The following SPIDR variants were observed in gnomAD, a reference collection of about 807,000 sequenced individuals.
The protein encoded by SPIDR is scaffold protein involved in DNA repair.
A neutral mutation model predicts 104.6 loss-of-function variants in SPIDR; 93 were observed. The ratio of observed to expected loss-of-function variants is 0.89; its 90% CI spans 0.75 to 1.06. The LOEUF (loss-of-function observed/expected upper bound fraction) is 1.06, where lower values mean the gene tolerates loss of function less well. Among genes scored for constraint, SPIDR ranks in the 50% least tolerant of loss-of-function variants. The probability of loss-of-function intolerance (pLI) is 0.00; values close to 1 mark genes in which losing one functional copy is unlikely to be tolerated. For missense variants in SPIDR, 1,154 were observed against 1,111.2 expected (o/e 1.04, Z -0.55); for synonymous variants, 431 against 416.9 (o/e 1.03, Z -0.41).
intron 5 of SPIDR, chr8:47,294,262 C>A: frequency 2.3e-6 from 1 of 435,762 alleles, no homozygotes; most frequent in Non-Finnish European, 3.9e-6. Context: ...ACCCTCACTG[C>A]ACACCGAATG....
intron 8 of SPIDR, among the ~76,000 whole-genome samples, chr8:47,542,808 C>A (rs556067254): frequency 1.3e-5 from 2 of 152,248 alleles, no homozygotes; most frequent in African/African-American, 4.8e-5. Context: ...CCAAAGGATC[C>A]TTCCTGCCAC....
At chr8:47,541,447 G>A (rs1451918010) in intron 8 of SPIDR, among the ~76,000 whole-genome samples, 2 of 152,156 alleles carry the variant, frequency 1.3e-5, no homozygotes, top group African/African-American at 2.4e-5. Context: ...GTGAATAGAA[G>A]AACTTTTAAA....
chr8:47,287,441 T>C (rs2039056969), intron 3 of SPIDR, among the ~76,000 whole-genome samples: 1 of 152,106 alleles, frequency 6.6e-6, no homozygotes, highest in African/African-American at 2.4e-5. Flanking sequence ...GGATTTTTTT[T>C]CCCCACCCTA....
chr8:47,516,746 A>G (rs2083229358), intron 8 of SPIDR, among the ~76,000 whole-genome samples: 1 of 152,176 alleles, frequency 6.6e-6, no homozygotes, highest in African/African-American at 2.4e-5. Flanking sequence ...GAACATAAGT[A>G]TACAAGTATC....
At position 47,396,368 on chromosome 8, in the gene SPIDR, T is replaced by C. The variant is rs782040070; in HGVS notation, c.526-8T>C. 35 of 1,582,058 alleles carry C rather than the reference T, an allele frequency of 2.2e-5. No homozygotes were observed. In the African/African-American group the frequency reaches 4.3e-4, roughly 20 times the overall value. On this transcript the variant is annotated splice_polypyrimidine_tract_variant and splice_region_variant and intron_variant, in intron 5 of 19. Coordinates refer to ENST00000297423, the MANE Select transcript of SPIDR (RefSeq NM_001080394.4). ...TAAAAATATGCCTTTCTTTTAATTT[T>C]TTTTCAGCCAAGTTCTATAGAAATT...
intron 10 of SPIDR, among the ~76,000 whole-genome samples, chr8:47,661,326 C>A (rs1015181262): frequency 6.6e-6 from 1 of 152,214 alleles, no homozygotes; most frequent in Non-Finnish European, 1.5e-5. Flanking sequence ...CATCCCCTCA[C>A]ACCAGGTATA....
chr8:47,518,170 C>T (rs1214046160), intron 8 of SPIDR, among the ~76,000 whole-genome samples: 1 of 152,200 alleles, frequency 6.6e-6, no homozygotes, highest in Non-Finnish European at 1.5e-5. Context: ...ATACATTGGT[C>T]TGGCACAGCA....
chr8:47,269,680 A>G (rs1242807224), intron 1 of SPIDR, among the ~76,000 whole-genome samples: 1 of 152,212 alleles, frequency 6.6e-6, no homozygotes. Flanking sequence ...CCATGGCTAG[A>G]ACCTCCAGTC....
chr8:47,477,716 T>C (rs2076442677), intron 8 of SPIDR, among the ~76,000 whole-genome samples: 1 of 152,210 alleles, frequency 6.6e-6, no homozygotes, highest in African/African-American at 2.4e-5. Context: ...GTTATACTGC[T>C]GGCATACTTT....
chr8:47,598,786 A>G (rs1588223595), intron 9 of SPIDR, among the ~76,000 whole-genome samples, 160 bp from the exon 10 acceptor site: 1 of 152,258 alleles, frequency 6.6e-6, no homozygotes, highest in African/African-American at 2.4e-5. Flanking sequence ...CCATGCCACA[A>G]GTTCCTTTAT....
intron 5 of SPIDR, among the ~76,000 whole-genome samples, chr8:47,324,886 C>T (rs1321978481): frequency 6.6e-6 from 1 of 152,078 alleles, no homozygotes; most frequent in Non-Finnish European, 1.5e-5. Context: ...TGGGACAAGT[C>T]CAGGTGCTGG....
chr8:47,389,493 T>C lies in SPIDR; in HGVS notation c.526-6883T>C, dbSNP rs185742229. Among the ~76,000 whole-genome samples, 1,414 of 151,908 alleles carry C rather than the reference T, an allele frequency of 9.3e-3. 9 individuals carry two copies. The highest frequency in any genetic ancestry group is 0.017 in the Non-Finnish European group (1,123 of 67,936). ...TCACGAGGTCAGGAGATCAAGACCA[T>C]CCTGGCTAACACGGTGAAACCCCGT... On this transcript the variant is annotated intron_variant, in intron 5 of 19. Transcript: ENST00000297423.
intron 1 of SPIDR, among the ~76,000 whole-genome samples, chr8:47,269,675 G>T (rs1476454895): frequency 6.6e-6 from 1 of 152,014 alleles, no homozygotes; most frequent in Admixed American, 6.5e-5. Flanking sequence ...CCTTGCCATG[G>T]CTAGAACCTC....
intron 8 of SPIDR, among the ~76,000 whole-genome samples, chr8:47,493,143 GT>G (rs1462474011): frequency 1.7e-4 from 25 of 151,512 alleles, no homozygotes; most frequent in Non-Finnish European, 1.5e-5. Context: ...ACATAGGTTT[GT>G]TCTATCTTTC....
At chr8:47,397,397 GA>G (rs2061360384) in intron 6 of SPIDR, among the ~76,000 whole-genome samples, 1 of 152,070 alleles carries the variant, frequency 6.6e-6, no homozygotes, top group Non-Finnish European at 1.5e-5. Context: ...ACAGGAGGCC[GA>G]GGCAGGAGAA....
chr8:47,588,158 G>T (rs1376609975), intron 8 of SPIDR, among the ~76,000 whole-genome samples: 1 of 140,740 alleles, frequency 7.1e-6, no homozygotes, highest in Non-Finnish European at 1.5e-5. Context: ...GATCCATTTG[G>T]GGAGCTCCTT....
intron 4 of SPIDR, among the ~76,000 whole-genome samples, chr8:47,292,518 G>C (rs2040095731): frequency 6.6e-6 from 1 of 152,052 alleles, no homozygotes; most frequent in Non-Finnish European, 1.5e-5. Flanking sequence ...CAAAGTGCTG[G>C]GATTACACAT....
intron 8 of SPIDR, among the ~76,000 whole-genome samples, chr8:47,551,357 C>G (rs1228144908): frequency 1.3e-5 from 2 of 152,196 alleles, no homozygotes; most frequent in African/African-American, 4.8e-5. Context: ...ACCAGCTCCT[C>G]TTTGTTCCTC....
chr8:47,694,192 A>G (rs979125743), intron 11 of SPIDR, among the ~76,000 whole-genome samples: 2 of 152,386 alleles, frequency 1.3e-5, no homozygotes, highest in Admixed American at 1.3e-4. Context: ...GTAACTCAAA[A>G]TAGGATTCCT....
Sources: gnomAD v4.1 joint callset for allele counts (sites outside exome capture counted in the v4.1 genomes callset) on GRCh38, gnomAD v4.1.1 for gene constraint, MANE v1.5 for transcripts, NCBI Gene and HGNC (gene_info 2026-07-23, HGNC 2026-07-21) for gene names.